The following UGT1A5 variants were observed in gnomAD, a reference collection of about 807,000 sequenced individuals.
The protein encoded by UGT1A5 is UDP-glucuronosyltransferase 1A5.
Under a neutral mutation model 40.3 loss-of-function variants are expected in UGT1A5, and 29 were observed. The observed-to-expected ratio is 0.72, with a 90% CI of 0.54 to 0.98. The LOEUF (loss-of-function observed/expected upper bound fraction) is 0.98. Ranked by LOEUF, UGT1A5 falls within the 50% of genes least tolerant of loss-of-function variation. The pLI, the probability that UGT1A5 is intolerant of heterozygous loss-of-function variation, is 0.00. For missense variants in UGT1A5, 678 were observed against 677.9 expected, an observed-to-expected ratio of 1.00 and a Z score of 0.00; for synonymous variants, 257 against 262.5, an observed-to-expected ratio of 0.98 and a Z score of 0.20.
In UGT1A5 at chr2:233,722,423, G is replaced by C. The variant is rs1325775698; in HGVS notation, c.867+8565G>C. ...TCCTTGATTTAAAGTTTATGGATAG[G>C]TTGAATTATTTGATTGGTCTTCTCA... On this transcript the variant is annotated intron_variant, in intron 1 of 4. Transcript: ENST00000373414. Among the ~76,000 whole-genome samples, 3 of 152,154 alleles carry C rather than the reference G, an allele frequency of 2.0e-5. No homozygotes were observed. The East Asian group carries it at 5.8e-4, about 29-fold the overall frequency.
chr2:233,724,272 C>T (rs2077202450), intron 1 of UGT1A5, among the ~76,000 whole-genome samples: 2 of 137,942 alleles, frequency 1.4e-5, no homozygotes, highest in African/African-American at 5.4e-5. Context: ...GACGGGGCGG[C>T]TGGCCGGGCG....
chr2:233,763,577 T>C (rs1698349758), intron 1 of UGT1A5, among the ~76,000 whole-genome samples: 1 of 152,236 alleles, frequency 6.6e-6, no homozygotes, highest in African/African-American at 2.4e-5. Context: ...TATTTTCTCT[T>C]TCTTCCTTTG....
At chr2:233,747,120 A>T in intron 1 of UGT1A5, 1 of 1,469,012 alleles carries the variant, frequency 6.8e-7, no homozygotes, top group Non-Finnish European at 9.2e-7. Context: ...ATGATTTGCT[A>T]AGTGGCTCAG....
At chr2:233,724,379 C>G (rs1274419342) in intron 1 of UGT1A5, among the ~76,000 whole-genome samples, 1 of 145,692 alleles carries the variant, frequency 6.9e-6, no homozygotes, top group South Asian at 2.4e-4. Context: ...GGCTGCCGGG[C>G]GGAGACGCTC....
intron 1 of UGT1A5, among the ~76,000 whole-genome samples, chr2:233,766,135 C>T (rs569141558): frequency 2.0e-5 from 3 of 152,288 alleles, no homozygotes; most frequent in Admixed American, 6.5e-5. Context: ...CCAGAAGAAT[C>T]GAATCCCACC....
In UGT1A5 at chr2:233,768,225, C is replaced by T; in HGVS notation, c.1093C>T (p.Pro365Ser). 6.2e-7 allele frequency: 1 copy of T among 1,614,112 alleles called. No homozygotes were observed. The highest frequency in any genetic ancestry group is 8.5e-7 in the Non-Finnish European group (1 of 1,180,032). Reference protein sequence around the residue: ...WLPQNDLLGHPMTRAFITHAG... With the variant: ...WLPQNDLLGHSMTRAFITHAG... Reference sequence around the variant, plus strand: ...CTCCCTATTTTGCATCTCAGGTCACCCGATGACCCGTGCCTTTATCACCCA... The same window carrying T: ...CTCCCTATTTTGCATCTCAGGTCACTCGATGACCCGTGCCTTTATCACCCA... Residue 365 changes from proline (P) to serine (S), a missense_variant, in exon 4 of 5, where the codon CCG becomes TCG. Pro to Ser is a moderately conservative substitution (Grantham distance 74). Transcript: ENST00000373414.
At chr2:233,747,631 A>C in intron 1 of UGT1A5, 1 of 1,579,028 alleles carries the variant, frequency 6.3e-7, no homozygotes, top group Non-Finnish European at 8.7e-7. Context: ...CTGATCAGGC[A>C]CCTGAATGCT....
Position 233,767,934 on chromosome 2 carries a change from T to C in UGT1A5, c.1085T>C (p.Leu362Pro). 6.2e-7 allele frequency: 1 copy of C among 1,614,184 alleles called. No homozygotes were observed. Among genetic ancestry groups the C allele is most frequent in the Non-Finnish European group, 8.5e-7 (1 of 1,180,038 alleles). The stretch of plus-strand genomic sequence containing the variant: ...AAGTGGCTACCCCAAAACGATCTGC[T>C]TGGTATGTTGGGCGGATTGGATGTA... ...LVKWLPQNDL[L>P]GHPMTRAFIT... The change falls in exon 3 of 5, where the codon CTT becomes CCT. Residue 362 changes from leucine to proline, a missense_variant and splice_region_variant. Leu to Pro is a moderately conservative substitution (Grantham distance 98). Transcript: ENST00000373414.
At chr2:233,721,765 T>C (rs974997487) in intron 1 of UGT1A5, 7 of 478,556 alleles carry the variant, frequency 1.5e-5, no homozygotes, top group South Asian at 6.1e-5. Context: ...TAAATTGTTA[T>C]ATTTAGCATT....
At chr2:233,753,795 C>G (rs760622704) in intron 1 of UGT1A5, 1 of 152,194 alleles carries the variant, frequency 6.6e-6, no homozygotes, top group African/African-American at 2.4e-5. Flanking sequence ...TTTCCAGGAC[C>G]TACCATAGTT....
chr2:233,755,076 T>C (rs28900391), intron 1 of UGT1A5: 18,622 of 1,334,942 alleles, frequency 0.014, 367 homozygotes, highest in South Asian at 0.045. Context: ...ATAGCGGTCA[T>C]AGATATCGCG....
At position 233,769,465 on chromosome 2, in the gene UGT1A5, G is replaced by A. The variant is rs34036745; in HGVS notation, c.1307+1026G>A. On this transcript the variant is annotated intron_variant, in intron 4 of 4. Coordinates refer to ENST00000373414, the MANE Select transcript of UGT1A5 (RefSeq NM_019078.2). The surrounding 1 kb of genome is among the most constrained non-coding windows in gnomAD (Gnocchi z 4.4). The stretch of plus-strand genomic sequence containing the variant: ...GGTGCACACGTGTGCATTCATATGC[G>A]TGTGTGTGTGTGTGCGTGTGTTTAT... The A allele has an allele frequency of 1.9e-4, 256 of 1,316,538 alleles. No homozygotes were observed. Among genetic ancestry groups the A allele is most frequent in the Non-Finnish European group, 2.3e-4 (217 of 963,564 alleles). The allele number at this position is 1,316,538 out of a possible 1,614,324, so 81.6% of individuals were successfully genotyped here.
At chr2:233,747,502 C>A in intron 1 of UGT1A5, 1 of 1,608,242 alleles carries the variant, frequency 6.2e-7, no homozygotes, top group Non-Finnish European at 8.5e-7. Context: ...CTGGGCCACA[C>A]TCAACTGTAC....
intron 1 of UGT1A5, chr2:233,729,503 G>T: frequency 1.2e-6 from 2 of 1,614,172 alleles, no homozygotes; most frequent in Non-Finnish European, 1.7e-6. Context: ...GTCTATCATA[G>T]GTCTTGTGTG....
intron 1 of UGT1A5, among the ~76,000 whole-genome samples, chr2:233,733,093 A>C (rs1291548117): frequency 1.3e-5 from 2 of 152,138 alleles, no homozygotes; most frequent in Non-Finnish European, 2.9e-5. Flanking sequence ...GAGTTCACTC[A>C]TGGTTTGGCT....
intron 1 of UGT1A5, chr2:233,750,567 C>G (rs1230562765): frequency 2.0e-5 from 3 of 151,970 alleles, no homozygotes; most frequent in Admixed American, 6.5e-5. Context: ...GCAGCAGACC[C>G]TCCCATCACA....
At chr2:233,761,090 T>A in intron 1 of UGT1A5, 1 of 1,614,218 alleles carries the variant, frequency 6.2e-7, no homozygotes, top group Admixed American at 1.7e-5. Flanking sequence ...CCTAGGCCCA[T>A]CATGCCCAAT....
intron 1 of UGT1A5, among the ~76,000 whole-genome samples, chr2:233,748,288 C>A (rs1342062213): frequency 1.3e-5 from 2 of 151,844 alleles, no homozygotes; most frequent in South Asian, 2.1e-4. Flanking sequence ...AAGAGGCAGA[C>A]ATGAATGTTT....
chr2:233,747,689 A>G lies in UGT1A5; in HGVS notation c.868-19345A>G, dbSNP rs552388790. The stretch of plus-strand genomic sequence containing the variant: ...TAGACCCAATTTACCTCTGTGGGGC[A>G]GTGCTGGCTAAGTACCTATCAATTC... On this transcript the variant is annotated intron_variant, in intron 1 of 4. Transcript: ENST00000373414. 1.1e-5 allele frequency: 18 copies of G among 1,609,782 alleles called. No homozygotes were observed. In the Middle Eastern group the frequency reaches 5.0e-4, roughly 44 times the overall value.
Sources: gnomAD v4.1 joint callset for allele counts (sites outside exome capture counted in the v4.1 genomes callset) on GRCh38, gnomAD v4.1.1 for gene constraint, Gnocchi (gnomAD v3.1) non-coding constraint, MANE v1.5 for transcripts, NCBI Gene and HGNC (gene_info 2026-07-23, HGNC 2026-07-21) for gene names.